The following C1orf21 variants were observed in gnomAD, a reference collection of about 807,000 sequenced individuals.
C1orf21 encodes the protein uncharacterized protein C1orf21.
A neutral mutation model predicts 18.7 loss-of-function variants in C1orf21; 3 were observed. The ratio of observed to expected loss-of-function variants is 0.16; its 90% CI spans 0.07 to 0.42. The LOEUF (loss-of-function observed/expected upper bound fraction) is 0.42. Among genes scored for constraint, C1orf21 ranks in the 10% least tolerant of loss-of-function variants. The pLI, the probability that C1orf21 is intolerant of heterozygous loss-of-function variation, is 0.99. For missense variants in C1orf21, 104 were observed against 143.6 expected (o/e 0.72, Z 1.41); for synonymous variants, 41 against 46.4 (o/e 0.88, Z 0.47).
At chr1:184,586,002 T>A (rs1176550540) in intron 3 of C1orf21, among the ~76,000 whole-genome samples, 1 of 152,182 alleles carries the variant, frequency 6.6e-6, no homozygotes, top group Non-Finnish European at 1.5e-5. Flanking sequence ...GATTACTGGG[T>A]CAAATGGTAG....
In C1orf21 at chr1:184,619,423, A is replaced by G. The variant is rs901272019; in HGVS notation, c.328-95A>G. 6 of 1,317,280 alleles carry G rather than the reference A, an allele frequency of 4.6e-6. No individual in the cohort carries two copies. The African/African-American group carries it at 7.4e-5, about 16-fold the overall frequency. The allele number at this position is 1,317,280 out of a possible 1,614,324, so 81.6% of individuals were successfully genotyped here. A position where few individuals can be genotyped will look rare whatever the true frequency, so the allele number is the denominator to read the frequency against. On this transcript the variant is annotated intron_variant, in intron 5 of 5. Transcript: ENST00000235307. ...ACAAAGCCTGGATTCTGTTGCAAGG[A>G]GACATATATTGAGAGAAAATTGATT... is the stretch of plus-strand genomic sequence containing the variant.
chr1:184,491,370 G>A (rs1657814392), intron 2 of C1orf21, among the ~76,000 whole-genome samples: 1 of 149,772 alleles, frequency 6.7e-6, no homozygotes, highest in Non-Finnish European at 1.5e-5. Flanking sequence ...TTTGAAACAG[G>A]TTCTGTCTCA....
intron 1 of C1orf21, among the ~76,000 whole-genome samples, chr1:184,443,120 G>T (rs961507753): frequency 2.0e-5 from 3 of 152,204 alleles, no homozygotes; most frequent in Admixed American, 2.0e-4. Context: ...TTCCTGAAAG[G>T]AGTTCCTCTG....
chr1:184,505,967 C>T (rs923484833), intron 2 of C1orf21, among the ~76,000 whole-genome samples: 2 of 151,788 alleles, frequency 1.3e-5, no homozygotes, highest in African/African-American at 4.8e-5. Flanking sequence ...TCCAAATTCT[C>T]AGTAAATAAT....
intron 3 of C1orf21, among the ~76,000 whole-genome samples, chr1:184,585,838 T>C (rs1274619892): frequency 6.6e-6 from 1 of 152,234 alleles, no homozygotes; most frequent in Non-Finnish European, 1.5e-5. Context: ...CAGATGTATA[T>C]GTACCACATT....
At chr1:184,545,323 T>C (rs971248840) in intron 3 of C1orf21, among the ~76,000 whole-genome samples, 3 of 152,198 alleles carry the variant, frequency 2.0e-5, no homozygotes, top group Non-Finnish European at 4.4e-5. Flanking sequence ...GAAAAGATCT[T>C]TAAGTTATAC....
chr1:184,621,188 C>G lies in C1orf21; in HGVS notation c.*1632C>G, dbSNP rs1659911045. The G allele has an allele frequency of 6.6e-6, 1 of 152,494 alleles. No individual in the cohort carries two copies. The highest frequency in any genetic ancestry group is 1.5e-5 in the Non-Finnish European group (1 of 68,038). The allele number at this position is 152,494 out of a possible 1,614,324, so 9.4% of individuals were successfully genotyped here. ...CCATTGATGTGCAAATAATGAGATT[C>G]CCTATCTCCTTTTAGACCTGGGACG... On this transcript the variant is annotated 3_prime_UTR_variant, in exon 6 of 6. Coordinates refer to ENST00000235307, the MANE Select transcript of C1orf21 (RefSeq NM_030806.4).
chr1:184,481,751 G>A (rs1657661609), intron 2 of C1orf21, among the ~76,000 whole-genome samples: 1 of 152,068 alleles, frequency 6.6e-6, no homozygotes, highest in Admixed American at 6.6e-5. Context: ...GAAGTTTGTG[G>A]GATTGTGTTA....
intron 3 of C1orf21, among the ~76,000 whole-genome samples, chr1:184,559,086 G>A (rs1345949360): frequency 6.6e-6 from 1 of 152,200 alleles, no homozygotes; most frequent in East Asian, 1.9e-4. Context: ...ACTTGCTGTA[G>A]TGATATAATT....
Position 184,590,687 on chromosome 1 carries a change from T to C in C1orf21, c.190-52T>C. ...TGTGATGAAAACTCATACACTTGTT[T>C]AATTGTGGATTCTAATCCTGTCTTT... On this transcript the variant is annotated intron_variant, in intron 3 of 5. Transcript: ENST00000235307. 5.9e-6 allele frequency: 9 copies of C among 1,523,736 alleles called. No homozygotes were observed. The South Asian group carries it at 1.0e-4, about 17-fold the overall frequency. The allele number at this position is 1,523,736 out of a possible 1,614,324, so 94.4% of individuals were successfully genotyped here. A position where few individuals can be genotyped will look rare whatever the true frequency, so the allele number is the denominator to read the frequency against.
chr1:184,404,541 C>T (rs1656214811), intron 1 of C1orf21, among the ~76,000 whole-genome samples: 1 of 152,150 alleles, frequency 6.6e-6, no homozygotes, highest in South Asian at 2.1e-4. Context: ...CCCTTCTTTT[C>T]TGGCACCAAT....
At chr1:184,503,040 T>C (rs955896633) in intron 2 of C1orf21, among the ~76,000 whole-genome samples, 2 of 136,022 alleles carry the variant, frequency 1.5e-5, no homozygotes, top group South Asian at 2.3e-4. Flanking sequence ...ATCATGCCAT[T>C]GCACTCCAGC....
intron 3 of C1orf21, among the ~76,000 whole-genome samples, chr1:184,529,140 AT>A (rs1205690026): frequency 2.0e-5 from 3 of 152,038 alleles, no homozygotes; most frequent in African/African-American, 7.3e-5. Flanking sequence ...AGGCCATTTT[AT>A]TTTTTGCATA....
Position 184,625,010 on chromosome 1 carries a change from C to A in C1orf21, c.*5454C>A, listed in dbSNP as rs745962075. 6.6e-6 allele frequency: 1 copy of A among 152,230 alleles called. No homozygotes were observed. Among genetic ancestry groups the A allele is most frequent in the Non-Finnish European group, 1.5e-5 (1 of 68,030 alleles). 9.4% of individuals were successfully genotyped at this position (152,230 alleles called of 1,614,324 possible). On this transcript the variant is annotated 3_prime_UTR_variant, in exon 6 of 6. Coordinates refer to ENST00000235307, the MANE Select transcript of C1orf21 (RefSeq NM_030806.4). ...CTGGCCCCCAAGATCCTGCTTCTTT[C>A]TAACCTGGCAGCTGTCATGTCCCTT... is the stretch of plus-strand genomic sequence containing the variant.
chr1:184,419,698 G>T (rs1656514904), intron 1 of C1orf21, among the ~76,000 whole-genome samples: 1 of 152,136 alleles, frequency 6.6e-6, no homozygotes, highest in Non-Finnish European at 1.5e-5. Context: ...AATCTAACTG[G>T]GAGGGTAACA....
intron 3 of C1orf21, among the ~76,000 whole-genome samples, chr1:184,581,441 A>T: frequency 6.6e-6 from 1 of 151,922 alleles, no homozygotes; most frequent in East Asian, 1.9e-4. Context: ...AAAAAAAAAA[A>T]AAATTAATAC....
intron 2 of C1orf21, among the ~76,000 whole-genome samples, chr1:184,499,338 A>G (rs1354425481): frequency 6.6e-6 from 1 of 152,214 alleles, no homozygotes; most frequent in African/African-American, 2.4e-5. Context: ...ATATTGGAGA[A>G]AAACTTCAGT....
intron 1 of C1orf21, among the ~76,000 whole-genome samples, chr1:184,432,095 A>G (rs896699594): frequency 3.3e-5 from 5 of 152,242 alleles, no homozygotes; most frequent in African/African-American, 7.2e-5. Flanking sequence ...TAGTTCAACT[A>G]TTGTGGAAGA....
intron 3 of C1orf21, among the ~76,000 whole-genome samples, chr1:184,582,829 G>A (rs537564023): frequency 6.6e-6 from 1 of 151,714 alleles, no homozygotes; most frequent in Non-Finnish European, 1.5e-5. Context: ...ATGTTTTTTT[G>A]TTTGTTTGTT....
Sources: gnomAD v4.1 joint callset for allele counts (sites outside exome capture counted in the v4.1 genomes callset) on GRCh38, gnomAD v4.1.1 for gene constraint, MANE v1.5 for transcripts, NCBI Gene and HGNC (gene_info 2026-07-23, HGNC 2026-07-21) for gene names.